Variants in STK32B observed in about 807,000 individuals in gnomAD.
The protein encoded by STK32B is serine/threonine kinase 32B, also known as serine/threonine-protein kinase 32B.
A neutral mutation model predicts 52.6 loss-of-function variants in STK32B; 43 were observed. That is an observed-to-expected ratio of 0.82 (90% CI 0.64 to 1.05). The LOEUF (loss-of-function observed/expected upper bound fraction) is 1.05. Ranked by LOEUF, STK32B falls within the 50% of genes least tolerant of loss-of-function variation. STK32B has a pLI of 0.00. For missense variants in STK32B, 621 were observed against 534.6 expected, an observed-to-expected ratio of 1.16 and a Z score of -1.59; for synonymous variants, 238 against 204.3, an observed-to-expected ratio of 1.17 and a Z score of -1.41.
chr4:5,232,666 G>T (rs1202711956), intron 3 of STK32B, among the ~76,000 whole-genome samples: 5 of 152,158 alleles, frequency 3.3e-5, no homozygotes, highest in African/African-American at 4.8e-5. Context: ...AAGTTGGGGA[G>T]CAGTGAGTGA....
intron 6 of STK32B, among the ~76,000 whole-genome samples, chr4:5,427,856 C>T (rs1713230491): frequency 6.6e-6 from 1 of 151,502 alleles, no homozygotes; most frequent in African/African-American, 2.4e-5. Context: ...CCAGTTTTTG[C>T]TTTATTGATT....
intron 6 of STK32B, among the ~76,000 whole-genome samples, chr4:5,433,037 C>G (rs1395209285): frequency 6.6e-6 from 1 of 152,144 alleles, no homozygotes; most frequent in East Asian, 1.9e-4. Context: ...CCCTTTGTTT[C>G]ACTGATTCTA....
intron 1 of STK32B, among the ~76,000 whole-genome samples, chr4:5,138,051 C>T (rs1025174626): frequency 1.3e-5 from 2 of 152,152 alleles, no homozygotes; most frequent in Non-Finnish European, 2.9e-5. Context: ...TAACAAGCTG[C>T]AGTCCAAGCT....
At chr4:5,093,797 C>T (rs1178866914) in intron 1 of STK32B, among the ~76,000 whole-genome samples, 1 of 152,148 alleles carries the variant, frequency 6.6e-6, no homozygotes, top group Non-Finnish European at 1.5e-5. Context: ...GAATAGTGAT[C>T]TCTTGTAGTT....
chr4:5,135,421 T>G (rs528706943), intron 1 of STK32B, among the ~76,000 whole-genome samples: 1 of 152,334 alleles, frequency 6.6e-6, no homozygotes, highest in African/African-American at 2.4e-5. Context: ...TTTGGCCTCT[T>G]AGTAAAATGA....
rs114361598 is a variant in STK32B, at chr4:5,470,578, C to T, written c.1106+2508C>T. Among the ~76,000 whole-genome samples, 903 of 152,144 alleles carry T rather than the reference C, an allele frequency of 5.9e-3. 2 individuals carry two copies. Among genetic ancestry groups the T allele is most frequent in the Non-Finnish European group, 0.01 (698 of 68,002 alleles). ...CAGGCTTACTGCCATATAAAGGTGT[C>T]CAGGAGAGGGTTTTGCTGTGTCCCC... On this transcript the variant is annotated intron_variant, in intron 11 of 11. Transcript: ENST00000282908. This position sits in a 1 kb window ranked among gnomAD's most constrained non-coding sequence, Gnocchi z 4.6.
intron 11 of STK32B, among the ~76,000 whole-genome samples, chr4:5,475,206 G>A (rs997047949): frequency 6.6e-6 from 1 of 152,082 alleles, no homozygotes; most frequent in Middle Eastern, 3.2e-3. Context: ...CGAATCACGA[G>A]GTCAGGAGTT....
At chr4:5,119,299 CAG>C (rs1208235279) in intron 1 of STK32B, among the ~76,000 whole-genome samples, 1 of 152,190 alleles carries the variant, frequency 6.6e-6, no homozygotes, top group Non-Finnish European at 1.5e-5. Flanking sequence ...GGACATTAGA[CAG>C]GGGAAACTTG....
At position 5,451,889 on chromosome 4, in the gene STK32B, G is replaced by A. The variant is rs1716036000; in HGVS notation, c.667-4918G>A. ...GGTGAGGCCATTAGCACAATGCATT[G>A]CACCCCCATGGAGTGGGATTTCAAG... On this transcript the variant is annotated intron_variant, in intron 7 of 11. Coordinates refer to ENST00000282908, the MANE Select transcript of STK32B (RefSeq NM_018401.3). Among the ~76,000 whole-genome samples the A allele has an allele frequency of 2.0e-5, 3 of 152,274 alleles. No individual in the cohort carries two copies. In the South Asian group the frequency reaches 6.2e-4, roughly 32 times the overall value.
intron 4 of STK32B, among the ~76,000 whole-genome samples, chr4:5,379,462 C>T (rs1171113037): frequency 6.6e-6 from 1 of 152,146 alleles, no homozygotes; most frequent in Non-Finnish European, 1.5e-5. Context: ...CATGGGATTC[C>T]CATCTCTCCA....
In STK32B at chr4:5,490,421, A is replaced by G. The variant is rs7656570; in HGVS notation, c.1107-8524A>G. 9.9e-3 allele frequency among the ~76,000 whole-genome samples: 1,510 copies of G among 152,200 alleles called. 29 individuals are homozygous for G. The highest frequency in any genetic ancestry group is 0.033 in the African/African-American group (1,384 of 41,542). ...CACGCCTGGCCTGTTAGGCAGTCTT[A>G]TGAAGGCTGTCAACCAAATTTGGGG... On this transcript the variant is annotated intron_variant, in intron 11 of 11. Transcript: ENST00000282908.
At chr4:5,081,340 G>C (rs1193905285) in intron 1 of STK32B, among the ~76,000 whole-genome samples, 1 of 151,984 alleles carries the variant, frequency 6.6e-6, no homozygotes, top group Non-Finnish European at 1.5e-5. Context: ...ATGTGTTTTT[G>C]TAAAATCTTG....
At chr4:5,385,320 T>C (rs1736178714) in intron 4 of STK32B, among the ~76,000 whole-genome samples, 1 of 151,608 alleles carries the variant, frequency 6.6e-6, no homozygotes, top group South Asian at 2.1e-4. Context: ...AGAAGTCAGA[T>C]GGGGGGATGT....
chr4:5,482,324 G>A (rs1156392130), intron 11 of STK32B, among the ~76,000 whole-genome samples: 5 of 152,060 alleles, frequency 3.3e-5, no homozygotes, highest in Non-Finnish European at 5.9e-5. Context: ...TGGATTTCTA[G>A]GTATTTTATT....
rs1207514574 is a variant in STK32B at position 5,500,675 on chromosome 4, A to AAAT, written c.*1594_*1596dup. On this transcript the variant is annotated 3_prime_UTR_variant, in exon 12 of 12. Coordinates refer to ENST00000282908, the MANE Select transcript of STK32B (RefSeq NM_018401.3). Reference sequence around the variant, plus strand: ...TTTATATTTTTATTTTTTAAAAAAGAAATAGTCAGTGTTTTCCTCCTTTCA... The same window carrying AAAT: ...TTTATATTTTTATTTTTTAAAAAAGAAATAATAGTCAGTGTTTTCCTCCTTTCA... 2 of 152,132 alleles carry AAAT rather than the reference A, an allele frequency of 1.3e-5. No homozygotes were observed. Among genetic ancestry groups the AAAT allele is most frequent in the African/African-American group, 2.4e-5 (1 of 41,378 alleles). The allele number at this position is 152,132 out of a possible 1,614,324, so 9.4% of individuals were successfully genotyped here. A position where few individuals can be genotyped will look rare whatever the true frequency, so the allele number is the denominator to read the frequency against.
At chr4:5,392,278 T>C (rs1019784737) in intron 4 of STK32B, among the ~76,000 whole-genome samples, 1 of 152,102 alleles carries the variant, frequency 6.6e-6, no homozygotes, top group Non-Finnish European at 1.5e-5. Flanking sequence ...ATACAAAATT[T>C]AGTCAGGTGT....
chr4:5,311,164 A>C (rs558701968), intron 3 of STK32B, among the ~76,000 whole-genome samples: 1 of 152,324 alleles, frequency 6.6e-6, no homozygotes, highest in East Asian at 1.9e-4. Flanking sequence ...CTGTACCACT[A>C]TAGAATTACT....
At chr4:5,134,743 G>A (rs565409634) in intron 1 of STK32B, among the ~76,000 whole-genome samples, 3 of 152,348 alleles carry the variant, frequency 2.0e-5, no homozygotes, top group Admixed American at 6.5e-5. Context: ...GGAATGAGCC[G>A]CAGGTTTCAG....
intron 3 of STK32B, among the ~76,000 whole-genome samples, chr4:5,227,573 T>A (rs1057179411): frequency 6.6e-6 from 1 of 152,242 alleles, no homozygotes; most frequent in African/African-American, 2.4e-5. Context: ...TACATTCTGA[T>A]ATTTTTCTTG....
Sources: gnomAD v4.1 joint callset for allele counts (sites outside exome capture counted in the v4.1 genomes callset) on GRCh38, gnomAD v4.1.1 for gene constraint, Gnocchi (gnomAD v3.1) non-coding constraint, MANE v1.5 for transcripts, NCBI Gene and HGNC (gene_info 2026-07-23, HGNC 2026-07-21) for gene names.